The following XIAP variants were observed in gnomAD, a reference collection of about 807,000 sequenced individuals.
XIAP encodes the protein E3 ubiquitin-protein ligase XIAP.
In XIAP, 3 loss-of-function variants were observed where a neutral mutation model predicts 33.1. The observed-to-expected ratio is 0.09, with a 90% CI of 0.04 to 0.23. The LOEUF is 0.23. XIAP is among the 10% of genes least tolerant of loss of function. XIAP has a pLI of 1.00. For synonymous variants in XIAP, 98 were observed against 121.3 expected, an observed-to-expected ratio of 0.81 and a Z score of 1.26; for missense variants, 264 against 363.0, an observed-to-expected ratio of 0.73 and a Z score of 2.22.
At chrX:123,894,988 AT>A (rs2053446929) in intron 5 of XIAP, among the ~76,000 whole-genome samples, 2 of 110,503 alleles carry the variant, frequency 1.8e-5, no homozygotes, top group Admixed American at 9.8e-5. Context: ...AAATAAATAA[AT>A]AAATAAAACA....
In XIAP at chrX:123,900,691, A is replaced by G; in HGVS notation, c.1298A>G (p.Lys433Arg). Residue 433 changes from lysine to arginine, a missense_variant and splice_region_variant, in exon 6 of 7, where the codon AAA becomes AGA. Lys to Arg is a conservative substitution (Grantham distance 26). Coordinates refer to ENST00000371199, the MANE Select transcript of XIAP (RefSeq NM_001167.4). ...GAGTCAAGTCAGACTTCATTACAGA[A>G]AGGTATGCATTGCTGTTTTTAAAAA... is the stretch of plus-strand genomic sequence containing the variant. The part of the protein sequence containing the change: ...QDESSQTSLQ[K>R]EISTEEQLRR... 8.3e-7 allele frequency: 1 copy of G among 1,209,384 alleles called. No homozygotes were observed. The highest frequency in any genetic ancestry group is 1.1e-6 in the Non-Finnish European group (1 of 893,361).
intron 1 of XIAP, among the ~76,000 whole-genome samples, chrX:123,882,194 A>G (rs1409161583): frequency 1.8e-5 from 2 of 112,184 alleles, no homozygotes; most frequent in African/African-American, 3.2e-5. Flanking sequence ...CTCCCAGTCC[A>G]TGCTGAAGTT....
chrX:123,903,630 TG>T (rs60011819), intron 6 of XIAP, among the ~76,000 whole-genome samples: 24,046 of 87,387 alleles, frequency 0.28, 3,298 homozygotes, highest in African/African-American at 0.35. Flanking sequence ...TTTTTTTTTT[TG>T]TTTTGTTTTT....
chrX:123,895,814 T>C (rs1250222341), intron 5 of XIAP, among the ~76,000 whole-genome samples: 1 of 106,052 alleles, frequency 9.4e-6, no homozygotes, highest in Non-Finnish European at 1.9e-5. Context: ...TAGGCTGGAG[T>C]GCAGTGGTAA....
chrX:123,904,616 ATTTTGTTTTG>A (rs112899247), intron 6 of XIAP, among the ~76,000 whole-genome samples: 2 of 109,169 alleles, frequency 1.8e-5, no homozygotes, highest in Non-Finnish European at 3.8e-5. Context: ...GTTTTGTTTT[ATTTTGTTTTG>A]TTTTGTTTTT....
At chrX:123,868,306 C>T (rs1267972403) in intron 1 of XIAP, among the ~76,000 whole-genome samples, 2 of 111,489 alleles carry the variant, frequency 1.8e-5, no homozygotes, top group Non-Finnish European at 3.8e-5. Flanking sequence ...AACAAACAAA[C>T]AAGCAAACAA....
At chrX:123,865,267 G>A (rs1395378905) in intron 1 of XIAP, among the ~76,000 whole-genome samples, 2 of 110,822 alleles carry the variant, frequency 1.8e-5, no homozygotes, top group African/African-American at 3.3e-5. Context: ...TATCTTAGAG[G>A]TCATGTGCTA....
chrX:123,889,574 A>G (rs1316557435), intron 3 of XIAP, among the ~76,000 whole-genome samples: 7 of 104,964 alleles, frequency 6.7e-5, no homozygotes, highest in Admixed American at 2.1e-4. Context: ...CTGGAGTGCA[A>G]TGGTGCTATC....
chrX:123,869,687 GTAA>G (rs1569476063), intron 1 of XIAP, among the ~76,000 whole-genome samples: 2 of 111,753 alleles, frequency 1.8e-5, no homozygotes, highest in Non-Finnish European at 3.8e-5. Context: ...AATCCTTGTA[GTAA>G]TTTCCTTAGA....
intron 3 of XIAP, 120 bp from the exon 4 acceptor site, chrX:123,891,118 C>T: frequency 2.6e-6 from 1 of 382,138 alleles, no homozygotes; most frequent in Non-Finnish European, 4.6e-6. Context: ...CTTTGTGGCT[C>T]CTTAGAAGTA....
chrX:123,879,988 C>T, intron 1 of XIAP, among the ~76,000 whole-genome samples: 1 of 110,299 alleles, frequency 9.1e-6, no homozygotes, highest in Non-Finnish European at 1.9e-5. Flanking sequence ...GTGGCACGTG[C>T]CTGTAGTCCC....
chrX:123,869,750 C>G (rs984620002), intron 1 of XIAP, among the ~76,000 whole-genome samples: 2 of 111,577 alleles, frequency 1.8e-5, no homozygotes, highest in Admixed American at 1.9e-4. Context: ...GAGTAACAGT[C>G]AGAACTACTG....
At chrX:123,903,632 T>G (rs771846859) in intron 6 of XIAP, among the ~76,000 whole-genome samples, 964 of 29,873 alleles carry the variant, frequency 0.032, 26 homozygotes, top group African/African-American at 0.12. Flanking sequence ...TTTTTTTTTG[T>G]TTTGTTTTTT....
chrX:123,904,710 ATCTC>A (rs1336871616), intron 6 of XIAP, among the ~76,000 whole-genome samples: 3 of 112,019 alleles, frequency 2.7e-5, no homozygotes, highest in Admixed American at 9.5e-5. Context: ...TGCAACCTCT[ATCTC>A]TCAGGTTCAA....
chrX:123,898,182 A>G (rs985792956), intron 5 of XIAP, among the ~76,000 whole-genome samples: 8 of 111,674 alleles, frequency 7.2e-5, no homozygotes, highest in Non-Finnish European at 1.5e-4. Flanking sequence ...TTAATTAATC[A>G]TCAAATTTGA....
intron 5 of XIAP, among the ~76,000 whole-genome samples, chrX:123,893,919 C>T (rs1216193924): frequency 8.9e-6 from 1 of 112,503 alleles, no homozygotes; most frequent in Non-Finnish European, 1.9e-5. Context: ...ATAGTTTTTC[C>T]AAGTTCAGGA....
In XIAP at chrX:123,909,129, A is replaced by G. The variant is rs1388555877; in HGVS notation, c.*1948A>G. ...CTGCAACCTCCGCCTTCTGGGTTCA[A>G]GCGATTCTCGTGCCTCAGCTTCCTG... On this transcript the variant is annotated 3_prime_UTR_variant, in exon 7 of 7. Transcript: ENST00000371199. The G allele has an allele frequency of 1.8e-5, 5 of 270,803 alleles. No individual in the cohort carries two copies. Among genetic ancestry groups the G allele is most frequent in the Non-Finnish European group, 3.4e-5 (5 of 145,762 alleles). The allele number at this position is 270,803 out of a possible 1,213,427, so 22.3% of individuals were successfully genotyped here.
At chrX:123,867,666 C>G (rs1273763458) in intron 1 of XIAP, among the ~76,000 whole-genome samples, 1 of 92,369 alleles carries the variant, frequency 1.1e-5, no homozygotes, top group Non-Finnish European at 2.1e-5. Context: ...GCCCCCGTAC[C>G]TGGCCTTTTT....
chrX:123,872,259 G>C (rs1482574536), intron 1 of XIAP, among the ~76,000 whole-genome samples: 1 of 109,908 alleles, frequency 9.1e-6, no homozygotes, highest in African/African-American at 3.3e-5. Context: ...GGCAGTGGAT[G>C]AACAGTTCAT....
Sources: allele counts gnomAD v4.1 joint callset (sites outside exome capture counted in the v4.1 genomes callset), GRCh38; gene constraint gnomAD v4.1.1; transcripts MANE v1.5; gene names NCBI Gene and HGNC (gene_info 2026-07-23, HGNC 2026-07-21).